Variants in PTPRO observed in about 807,000 individuals in gnomAD.
PTPRO encodes the protein receptor-type tyrosine-protein phosphatase O.
Under a neutral mutation model 145.2 loss-of-function variants are expected in PTPRO, and 62 were observed. The ratio of observed to expected loss-of-function variants is 0.43; its 90% CI spans 0.35 to 0.53. The LOEUF is 0.53. Among genes scored for constraint, PTPRO ranks in the 20% least tolerant of loss-of-function variants. The pLI, the probability that PTPRO is intolerant of heterozygous loss-of-function variation, is 0.01. For synonymous variants in PTPRO, 565 were observed against 514.7 expected, an observed-to-expected ratio of 1.10 and a Z score of -1.32; for missense variants, 1,345 against 1,482.7, an observed-to-expected ratio of 0.91 and a Z score of 1.53.
At chr12:15,489,233 G>A (rs1012685253) in intron 2 of PTPRO, among the ~76,000 whole-genome samples, 5 of 152,100 alleles carry the variant, frequency 3.3e-5, no homozygotes, top group African/African-American at 1.2e-4. Flanking sequence ...CCAGAAAGGG[G>A]TCACAATCCA....
At chr12:15,482,167 G>A (rs12297856) in intron 1 of PTPRO, among the ~76,000 whole-genome samples, 12,199 of 141,558 alleles carry the variant, frequency 0.086, 635 homozygotes, top group East Asian at 0.3. Context: ...GTGTGTGTGT[G>A]TATATATATA....
chr12:15,323,629 A>C (rs1866364685), intron 1 of PTPRO, among the ~76,000 whole-genome samples: 2 of 152,126 alleles, frequency 1.3e-5, no homozygotes, highest in African/African-American at 4.8e-5. Context: ...TTCTGAAGTG[A>C]TTGTCTATCA....
intron 1 of PTPRO, among the ~76,000 whole-genome samples, chr12:15,469,069 A>G (rs1009796570): frequency 6.6e-6 from 1 of 152,230 alleles, no homozygotes; most frequent in Non-Finnish European, 1.5e-5. Flanking sequence ...CTTGTTAGCT[A>G]TCATCAGGAT....
At chr12:15,460,172 G>T (rs1306613970) in intron 1 of PTPRO, among the ~76,000 whole-genome samples, 1 of 152,174 alleles carries the variant, frequency 6.6e-6, no homozygotes, top group Non-Finnish European at 1.5e-5. Flanking sequence ...GATGGCTCAG[G>T]ATCTTGCTGG....
intron 1 of PTPRO, among the ~76,000 whole-genome samples, chr12:15,474,802 C>G (rs551128995): frequency 6.6e-6 from 1 of 152,194 alleles, no homozygotes; most frequent in Non-Finnish European, 1.5e-5. Context: ...ATGCCTGCAG[C>G]GTACACTCAG....
intron 9 of PTPRO, among the ~76,000 whole-genome samples, chr12:15,517,566 T>C (rs1942626016): frequency 1.3e-5 from 2 of 152,214 alleles, no homozygotes; most frequent in Non-Finnish European, 2.9e-5. Flanking sequence ...GCAAGTCCCT[T>C]CTGCCTATGA....
intron 1 of PTPRO, among the ~76,000 whole-genome samples, chr12:15,427,820 CT>C (rs5796634): frequency 0.45 from 68,265 of 151,548 alleles, 16,659 homozygotes; most frequent in South Asian, 0.61. Context: ...TGCTTTATGA[CT>C]TTTGAGTTTT....
intron 1 of PTPRO, among the ~76,000 whole-genome samples, chr12:15,432,695 C>G (rs1940477475): frequency 6.6e-6 from 1 of 152,214 alleles, no homozygotes; most frequent in Admixed American, 6.5e-5. Flanking sequence ...TCATAGCCTT[C>G]TGACTGGTGT....
chr12:15,568,440 A>G (rs369280909), intron 18 of PTPRO, among the ~76,000 whole-genome samples: 106 of 139,304 alleles, frequency 7.6e-4, no homozygotes, highest in African/African-American at 3.4e-3. Flanking sequence ...AAAACAAAAC[A>G]AAACAAAACA....
intron 5 of PTPRO, 52 bp from the exon 6 acceptor site, chr12:15,503,856 G>T: frequency 6.9e-7 from 1 of 1,456,364 alleles, no homozygotes; most frequent in Non-Finnish European, 9.6e-7. Context: ...CTATACCCAG[G>T]GCCTTTCCAG....
intron 1 of PTPRO, among the ~76,000 whole-genome samples, chr12:15,418,880 G>A (rs1408538757): frequency 6.6e-6 from 1 of 151,482 alleles, no homozygotes; most frequent in African/African-American, 2.4e-5. Flanking sequence ...CAATACTAAA[G>A]TCCTTCCTTG....
chr12:15,555,551 T>C (rs1943599307), intron 15 of PTPRO, among the ~76,000 whole-genome samples: 1 of 152,150 alleles, frequency 6.6e-6, no homozygotes, highest in Admixed American at 6.5e-5. Context: ...AGCGTAATAC[T>C]CAACTCATAG....
At chr12:15,323,651 A>G (rs1866365699) in intron 1 of PTPRO, among the ~76,000 whole-genome samples, 1 of 152,214 alleles carries the variant, frequency 6.6e-6, no homozygotes, top group African/African-American at 2.4e-5. Context: ...TCATGTCTTC[A>G]GTGGATCTAC....
intron 3 of PTPRO, among the ~76,000 whole-genome samples, chr12:15,498,023 T>C (rs1469137466): frequency 6.6e-6 from 1 of 151,792 alleles, no homozygotes; most frequent in African/African-American, 2.4e-5. Flanking sequence ...GGCATTCAGT[T>C]TCATTTGGGA....
chr12:15,439,963 G>A, intron 1 of PTPRO: 2 of 686,344 alleles, frequency 2.9e-6, no homozygotes, highest in South Asian at 3.1e-5. Context: ...CCAAGGAGGT[G>A]GCCACTGCCA....
intron 1 of PTPRO, among the ~76,000 whole-genome samples, chr12:15,428,458 G>C (rs1940342845): frequency 1.3e-5 from 2 of 152,064 alleles, no homozygotes; most frequent in Non-Finnish European, 2.9e-5. Context: ...TGAAAGTATA[G>C]AGCTTTACTG....
intron 1 of PTPRO, among the ~76,000 whole-genome samples, chr12:15,330,861 T>C (rs1866589102): frequency 6.6e-6 from 1 of 152,206 alleles, no homozygotes; most frequent in Non-Finnish European, 1.5e-5. Context: ...TCCCTTCATT[T>C]CATTCTCTGG....
chr12:15,371,869 C>T (rs1209307640), intron 1 of PTPRO, among the ~76,000 whole-genome samples: 1 of 152,078 alleles, frequency 6.6e-6, no homozygotes, highest in Non-Finnish European at 1.5e-5. Flanking sequence ...CGGCACTTCT[C>T]CTCCTGGCCG....
intron 1 of PTPRO, among the ~76,000 whole-genome samples, chr12:15,408,515 C>T (rs1417242000): frequency 6.6e-6 from 1 of 152,130 alleles, no homozygotes; most frequent in Non-Finnish European, 1.5e-5. Context: ...GCAAACTCCG[C>T]CTCCTGGGTT....
Sources: allele counts gnomAD v4.1 joint callset (sites outside exome capture counted in the v4.1 genomes callset), GRCh38; gene constraint gnomAD v4.1.1; transcripts MANE v1.5; gene names NCBI Gene and HGNC (gene_info 2026-07-23, HGNC 2026-07-21).